Variants in CFAP221 observed in about 807,000 individuals in gnomAD.
The protein encoded by CFAP221 is cilia and flagella associated protein 221, also known as cilia- and flagella-associated protein 221.
Under a neutral mutation model 113.1 loss-of-function variants are expected in CFAP221, and 97 were observed. That is an observed-to-expected ratio of 0.86 (90% CI 0.73 to 1.02). The LOEUF (loss-of-function observed/expected upper bound fraction) is 1.02, where lower values mean the gene tolerates loss of function less well. Ranked by LOEUF, CFAP221 falls within the 50% of genes least tolerant of loss-of-function variation. The pLI, the probability that CFAP221 is intolerant of heterozygous loss-of-function variation, is 0.00. For missense variants in CFAP221, 1,025 were observed against 1,013.4 expected (o/e 1.01, Z -0.16); for synonymous variants, 331 against 354.4 (o/e 0.93, Z 0.74).
Position 119,604,742 on chromosome 2 carries a change from CA to C in CFAP221, c.863del (p.His288LeufsTer2). 1 of 1,548,782 alleles carries C rather than the reference CA, an allele frequency of 6.5e-7. No homozygotes were observed. Among genetic ancestry groups the C allele is most frequent in the South Asian group, 1.2e-5 (1 of 80,674 alleles). Reference protein sequence around the residue: ...VNVPPEKAMMHINFHRPPAKP... With the variant: ...VNVPPEKAMMXINFHRPPAKP... The stretch of plus-strand genomic sequence containing the variant: ...CGTTCCTCCAGAAAAAGCAATGATG[CA>C]TATAAATTTTCACCGACCGCCAGCG... On this transcript the variant is annotated frameshift_variant, in exon 9 of 24. Coordinates refer to ENST00000413369, the MANE Select transcript of CFAP221 (RefSeq NM_001271049.2). LOFTEE classifies it high-confidence loss of function.
intron 7 of CFAP221, among the ~76,000 whole-genome samples, chr2:119,593,412 A>T (rs1195614699): frequency 1.3e-5 from 2 of 152,206 alleles, no homozygotes; most frequent in Non-Finnish European, 2.9e-5. Context: ...TACAGGAAGC[A>T]TGGTGCTGGC....
rs190174764 is a variant in CFAP221 at position 119,566,824 on chromosome 2, G to A, written c.527+4710G>A. Among the ~76,000 whole-genome samples, 84 of 151,982 alleles carry A rather than the reference G, an allele frequency of 5.5e-4. 1 individual carries two copies. The highest frequency in any genetic ancestry group is 4.8e-3 in the Admixed American group (74 of 15,270). ...TCTTTCAGAGATGGGACTTCTGACC[G>A]TGCTTGCAGGGTTTTTTTTTTCCTT... On this transcript the variant is annotated intron_variant, in intron 6 of 23. Transcript: ENST00000413369.
chr2:119,563,806 A>C (rs554623140), intron 6 of CFAP221, among the ~76,000 whole-genome samples: 1 of 152,212 alleles, frequency 6.6e-6, no homozygotes, highest in Non-Finnish European at 1.5e-5. Flanking sequence ...GTTGCTAAGA[A>C]CAACTCATAC....
intron 7 of CFAP221, among the ~76,000 whole-genome samples, chr2:119,588,505 C>T (rs1360123328): frequency 1.3e-5 from 2 of 152,120 alleles, no homozygotes; most frequent in Non-Finnish European, 1.5e-5. Context: ...TGAAACACAA[C>T]CTATTCAAAA....
At chr2:119,625,736 C>G in intron 15 of CFAP221, 48 bp downstream of exon 15, 1 of 1,482,728 alleles carries the variant, frequency 6.7e-7, no homozygotes, top group South Asian at 1.2e-5. Context: ...GATCATGCCT[C>G]TGAGCGTGAA....
intron 7 of CFAP221, chr2:119,589,731 C>T (rs1683467264): frequency 6.6e-6 from 1 of 152,248 alleles, no homozygotes; most frequent in African/African-American, 2.4e-5. Flanking sequence ...TTTAACTCAA[C>T]TGGCCATCCT....
intron 3 of CFAP221, among the ~76,000 whole-genome samples, chr2:119,550,313 A>C (rs964086210): frequency 3.3e-5 from 5 of 152,244 alleles, no homozygotes; most frequent in African/African-American, 1.2e-4. Flanking sequence ...GAAACTGACA[A>C]ATAGTAAAGG....
At chr2:119,603,061 GA>G (rs1684476315) in intron 8 of CFAP221, among the ~76,000 whole-genome samples, 1 of 152,020 alleles carries the variant, frequency 6.6e-6, no homozygotes, top group African/African-American at 2.4e-5. Flanking sequence ...ATCATGAAGG[GA>G]AAAAAACTAG....
intron 6 of CFAP221, among the ~76,000 whole-genome samples, chr2:119,566,734 A>G (rs1681668104): frequency 6.6e-6 from 1 of 151,072 alleles, no homozygotes; most frequent in Admixed American, 6.6e-5. Flanking sequence ...CTACCCGCAC[A>G]CCCCACTCAG....
At position 119,656,432 on chromosome 2, in the gene CFAP221, C is replaced by T. The variant is rs138666686; in HGVS notation, c.2485C>T (p.Arg829Trp). The T allele has an allele frequency of 8.3e-5, 134 of 1,613,712 alleles. No homozygotes were observed. The highest frequency in any genetic ancestry group is 1.6e-4 in the Middle Eastern group (1 of 6,084). ...EKLLEEMRNL[R>W]GKALNTYLIL... is the part of the protein sequence containing the mutation. ...GCTGCTCGAGGAGATGAGGAACCTG[C>T]GGGGCAAAGCACTCAACACATACCT... The change falls in exon 24 of 24, where the codon CGG (arginine) becomes TGG (tryptophan). Residue 829 changes from arginine (R) to tryptophan (W), a missense_variant. By Grantham distance (101) the Arg-to-Trp change is moderately radical. Coordinates refer to ENST00000413369, the MANE Select transcript of CFAP221 (RefSeq NM_001271049.2).
intron 21 of CFAP221, among the ~76,000 whole-genome samples, chr2:119,642,279 T>C (rs1157332577): frequency 6.6e-6 from 1 of 152,230 alleles, no homozygotes; most frequent in African/African-American, 2.4e-5. Flanking sequence ...TTTTTATTTC[T>C]GAAAACAGGT....
chr2:119,563,211 G>A (rs934667208), intron 6 of CFAP221, among the ~76,000 whole-genome samples: 13 of 152,128 alleles, frequency 8.5e-5, no homozygotes, highest in African/African-American at 2.9e-4. Context: ...ACATTCTCCT[G>A]TGTACTTCAA....
intron 15 of CFAP221, chr2:119,625,942 T>G: frequency 2.2e-6 from 1 of 456,648 alleles, no homozygotes; most frequent in Non-Finnish European, 3.9e-6. Context: ...ATTCACACAT[T>G]AAGCCTTTTA....
At chr2:119,627,422 AT>A (rs1187660610) in intron 15 of CFAP221, among the ~76,000 whole-genome samples, 3 of 151,938 alleles carry the variant, frequency 2.0e-5, no homozygotes, top group Non-Finnish European at 4.4e-5. Context: ...CATCAGAAAT[AT>A]TTTAATTATG....
At chr2:119,619,203 C>T (rs1685724583) in intron 14 of CFAP221, among the ~76,000 whole-genome samples, 1 of 152,208 alleles carries the variant, frequency 6.6e-6, no homozygotes, top group South Asian at 2.1e-4. Flanking sequence ...CTGAAGAGAG[C>T]AGCAAATCTC....
intron 21 of CFAP221, among the ~76,000 whole-genome samples, chr2:119,645,884 A>T (rs1423315090): frequency 1.3e-5 from 2 of 152,144 alleles, no homozygotes; most frequent in Middle Eastern, 3.4e-3. Context: ...GAAAACTTTT[A>T]TCCATTGATT....
intron 21 of CFAP221, among the ~76,000 whole-genome samples, chr2:119,641,308 C>A (rs1028607747): frequency 1.3e-5 from 2 of 152,192 alleles, no homozygotes; most frequent in African/African-American, 4.8e-5. Context: ...TGGGACATGG[C>A]AAGAGCTCAA....
chr2:119,584,916 C>A (rs1443597430), intron 6 of CFAP221, among the ~76,000 whole-genome samples: 6 of 152,198 alleles, frequency 3.9e-5, no homozygotes, highest in Admixed American at 3.9e-4. Context: ...TACTTTGCTA[C>A]TAACCAGAAG....
At chr2:119,614,603 A>T (rs1370623450) in intron 13 of CFAP221, among the ~76,000 whole-genome samples, 3 of 152,192 alleles carry the variant, frequency 2.0e-5, no homozygotes, top group Non-Finnish European at 4.4e-5. Flanking sequence ...CTTGAGAACT[A>T]ACTCACTATC....
Sources: gnomAD v4.1 joint callset for allele counts (sites outside exome capture counted in the v4.1 genomes callset) on GRCh38, gnomAD v4.1.1 for gene constraint, MANE v1.5 for transcripts, NCBI Gene and HGNC (gene_info 2026-07-23, HGNC 2026-07-21) for gene names.